DPYSL3: variants seen among roughly 807,000 people sequenced by gnomAD.
DPYSL3 encodes the protein dihydropyrimidinase like 3.
Under a neutral mutation model 66.1 loss-of-function variants are expected in DPYSL3, and 16 were observed. That is an observed-to-expected ratio of 0.24 (90% CI 0.16 to 0.37). The LOEUF (loss-of-function observed/expected upper bound fraction) is 0.37. Among genes scored for constraint, DPYSL3 ranks in the 10% least tolerant of loss-of-function variants. The pLI is 1.00. For synonymous variants in DPYSL3, 338 were observed against 345.1 expected (o/e 0.98, Z 0.23); for missense variants, 738 against 916.2 (o/e 0.81, Z 2.51).
intron 1 of DPYSL3, among the ~76,000 whole-genome samples, chr5:147,492,059 A>G (rs1242494999): frequency 6.6e-6 from 1 of 152,128 alleles, no homozygotes; most frequent in Non-Finnish European, 1.5e-5. Context: ...AGGGGGGGAA[A>G]TACCTTCCCT....
At chr5:147,502,469 A>G (rs1163382668) in intron 1 of DPYSL3, among the ~76,000 whole-genome samples, 3 of 152,098 alleles carry the variant, frequency 2.0e-5, no homozygotes, top group Non-Finnish European at 2.9e-5. Context: ...GATGATGAGG[A>G]AACGATGTTT....
intron 2 of DPYSL3, among the ~76,000 whole-genome samples, chr5:147,422,702 C>A: frequency 6.6e-6 from 1 of 152,002 alleles, no homozygotes. Context: ...ATGTCCTTTG[C>A]AGGGACATGG....
chr5:147,408,594 C>T (rs1472032082), intron 7 of DPYSL3, 134 bp downstream of exon 7: 2 of 865,716 alleles, frequency 2.3e-6, no homozygotes, highest in Non-Finnish European at 3.6e-6. Context: ...CTCACGGGCT[C>T]CTGAGTTAGA....
intron 1 of DPYSL3, chr5:147,453,408 G>T (rs1031137971): frequency 4.7e-6 from 6 of 1,282,974 alleles, no homozygotes; most frequent in South Asian, 3.7e-5. Context: ...TGACCGCCGC[G>T]CTCCGCCACC....
intron 10 of DPYSL3, 30 bp from the exon 11 acceptor site, chr5:147,399,282 T>C: frequency 1.9e-6 from 3 of 1,607,232 alleles, no homozygotes; most frequent in Non-Finnish European, 2.6e-6. Context: ...TATATCTATA[T>C]CTATAGCTAC....
intron 1 of DPYSL3, among the ~76,000 whole-genome samples, chr5:147,459,297 G>GA (rs1224804631): frequency 6.6e-6 from 1 of 151,378 alleles, no homozygotes; most frequent in Non-Finnish European, 1.5e-5. Flanking sequence ...GAAAAATTCA[G>GA]AAAAAAAAGT....
intron 2 of DPYSL3, among the ~76,000 whole-genome samples, chr5:147,420,645 G>A (rs1009220127): frequency 2.0e-5 from 3 of 152,144 alleles, no homozygotes; most frequent in African/African-American, 7.2e-5. Context: ...AGTTAGAGGA[G>A]GTTATTTCTG....
intron 1 of DPYSL3, among the ~76,000 whole-genome samples, chr5:147,499,596 AG>A (rs1414569344): frequency 6.6e-6 from 1 of 152,234 alleles, no homozygotes; most frequent in African/African-American, 2.4e-5. Flanking sequence ...GCTCATGGAC[AG>A]GAAGACTCAA....
chr5:147,471,374 C>T (rs935985284), intron 1 of DPYSL3, among the ~76,000 whole-genome samples: 1 of 152,182 alleles, frequency 6.6e-6, no homozygotes, highest in Non-Finnish European at 1.5e-5. Context: ...TACAGTCTGT[C>T]TTTGACCCTC....
Position 147,435,993 on chromosome 5 carries a change from C to T in DPYSL3, c.382-11030G>A, listed in dbSNP as rs115546117. 1.3e-3 allele frequency among the ~76,000 whole-genome samples: 193 copies of T among 152,200 alleles called. 1 individual carries two copies. Among genetic ancestry groups the T allele is most frequent in the African/African-American group, 4.5e-3 (188 of 41,520 alleles). On this transcript the variant is annotated intron_variant, in intron 1 of 13. Coordinates refer to ENST00000343218, the MANE Select transcript of DPYSL3 (RefSeq NM_001197294.2). The stretch of plus-strand genomic sequence containing the variant: ...ATGGAGAGGGCTGCCTGGCAGGAGC[C>T]GTAACCTTCAGCAGAGACATGCAGC...
intron 1 of DPYSL3, among the ~76,000 whole-genome samples, chr5:147,441,955 A>C (rs2126373031): frequency 6.6e-6 from 1 of 152,260 alleles, no homozygotes; most frequent in African/African-American, 2.4e-5. Context: ...TTGCCTTAAA[A>C]CCCTCTAAGT....
intron 9 of DPYSL3, among the ~76,000 whole-genome samples, chr5:147,401,251 T>C (rs1243486122): frequency 1.3e-5 from 2 of 152,204 alleles, no homozygotes; most frequent in Non-Finnish European, 2.9e-5. Flanking sequence ...CTCATAAAGT[T>C]GTTAGGAGAA....
intron 1 of DPYSL3, among the ~76,000 whole-genome samples, chr5:147,435,751 C>A (rs1335655891): frequency 6.6e-6 from 1 of 152,102 alleles, no homozygotes; most frequent in Non-Finnish European, 1.5e-5. Flanking sequence ...TAAGAAAAGA[C>A]CTTTAGCATG....
intron 1 of DPYSL3, among the ~76,000 whole-genome samples, chr5:147,481,250 T>G (rs1275906652): frequency 6.6e-6 from 1 of 152,202 alleles, no homozygotes; most frequent in Admixed American, 6.5e-5. Flanking sequence ...TATGAAATAC[T>G]GTTACTAGAA....
At chr5:147,399,480 C>T (rs555380204) in intron 10 of DPYSL3, among the ~76,000 whole-genome samples, 1 of 141,828 alleles carries the variant, frequency 7.1e-6, no homozygotes, top group Non-Finnish European at 1.6e-5. Context: ...AGTTACTGCC[C>T]CTGAAGTATG....
intron 8 of DPYSL3, 80 bp downstream of exon 8, chr5:147,405,530 T>C: frequency 2.0e-6 from 3 of 1,485,794 alleles, no homozygotes; most frequent in Non-Finnish European, 2.7e-6. Flanking sequence ...AGGCACCATT[T>C]ATATTACACA....
At chr5:147,500,459 C>T (rs185238374) in intron 1 of DPYSL3, among the ~76,000 whole-genome samples, 2 of 151,868 alleles carry the variant, frequency 1.3e-5, no homozygotes, top group Non-Finnish European at 2.9e-5. Context: ...ACTAAAAATA[C>T]AAGAATTAGC....
chr5:147,453,763 G>A (rs1395100845), intron 1 of DPYSL3: 1 of 1,313,636 alleles, frequency 7.6e-7, no homozygotes, highest in South Asian at 2.1e-5. Flanking sequence ...GGCTGCCAGA[G>A]ACAATAGTAA....
intron 1 of DPYSL3, among the ~76,000 whole-genome samples, chr5:147,474,667 T>C (rs1753132556): frequency 1.3e-5 from 2 of 152,072 alleles, no homozygotes; most frequent in Non-Finnish European, 2.9e-5. Flanking sequence ...GCACTGTACA[T>C]AATGCCTGCC....
Sources: allele counts gnomAD v4.1 joint callset (sites outside exome capture counted in the v4.1 genomes callset), GRCh38; gene constraint gnomAD v4.1.1; transcripts MANE v1.5; gene names NCBI Gene and HGNC (gene_info 2026-07-23, HGNC 2026-07-21).